SPOP: variants seen among roughly 807,000 people sequenced by gnomAD.
The protein encoded by SPOP is speckle type BTB/POZ protein.
In SPOP, 11 loss-of-function variants were observed where a neutral mutation model predicts 45.6. The ratio of observed to expected loss-of-function variants is 0.24; its 90% CI spans 0.15 to 0.40. The LOEUF (loss-of-function observed/expected upper bound fraction) is 0.40. Among genes scored for constraint, SPOP ranks in the 10% least tolerant of loss-of-function variants. SPOP has a pLI of 1.00. For synonymous variants in SPOP, 166 were observed against 166.3 expected (o/e 1.00, Z 0.01); for missense variants, 152 against 465.6 (o/e 0.33, Z 6.20).
intron 1 of SPOP, among the ~76,000 whole-genome samples, chr17:49,643,019 T>A (rs1218979432): frequency 6.6e-6 from 1 of 152,240 alleles, no homozygotes; most frequent in Admixed American, 6.5e-5. Context: ...TGAGATAAAA[T>A]ACACAGGCAT....
At chr17:49,629,360 A>G (rs2072405767) in intron 1 of SPOP, among the ~76,000 whole-genome samples, 1 of 152,198 alleles carries the variant, frequency 6.6e-6, no homozygotes, top group African/African-American at 2.4e-5. Flanking sequence ...AATGCTGAGT[A>G]TATCAGATTT....
intron 1 of SPOP, among the ~76,000 whole-genome samples, chr17:49,628,969 C>T (rs770722457): frequency 1.3e-5 from 2 of 152,162 alleles, no homozygotes; most frequent in Admixed American, 1.3e-4. Context: ...GAAGGCCAGG[C>T]GTGGTGGCTC....
At chr17:49,655,306 T>G (rs1336088861) in intron 1 of SPOP, among the ~76,000 whole-genome samples, 1 of 151,902 alleles carries the variant, frequency 6.6e-6, no homozygotes, top group Non-Finnish European at 1.5e-5. Flanking sequence ...GGTCAGGAGA[T>G]CGAGACCATC....
At chr17:49,656,978 G>A (rs888523879) in intron 1 of SPOP, among the ~76,000 whole-genome samples, 15 of 151,952 alleles carry the variant, frequency 9.9e-5, no homozygotes, top group East Asian at 1.9e-4. Context: ...TCAGGAGATC[G>A]AGACCATCCT....
chr17:49,601,589 G>A, intron 9 of SPOP: 1 of 320,280 alleles, frequency 3.1e-6, no homozygotes, highest in Non-Finnish European at 5.9e-6. Context: ...GTGAAGTAAA[G>A]ATACTATCAT....
intron 1 of SPOP, among the ~76,000 whole-genome samples, chr17:49,650,704 A>G (rs1022315468): frequency 2.6e-5 from 4 of 152,368 alleles, no homozygotes; most frequent in African/African-American, 7.2e-5. Flanking sequence ...CAGTGATAGT[A>G]AAAATTGACA....
At chr17:49,642,368 T>C (rs2072672488) in intron 1 of SPOP, among the ~76,000 whole-genome samples, 2 of 152,022 alleles carry the variant, frequency 1.3e-5, no homozygotes, top group South Asian at 2.1e-4. Flanking sequence ...GCCAACATGG[T>C]AAAAACCCAT....
intron 3 of SPOP, 128 bp downstream of exon 3, chr17:49,621,818 G>T: frequency 1.0e-6 from 1 of 994,726 alleles, no homozygotes; most frequent in Non-Finnish European, 1.5e-6. Flanking sequence ...TAGGCACTGG[G>T]AAATACAGTA....
chr17:49,619,204 TAA>T lies in SPOP; in HGVS notation c.352+28_352+29del. The T allele has an allele frequency of 1.9e-6, 3 of 1,613,946 alleles. No homozygotes were observed. The highest frequency in any genetic ancestry group is 2.5e-6 in the Non-Finnish European group (3 of 1,179,920). On this transcript the variant is annotated intron_variant, in intron 4 of 9. Coordinates refer to ENST00000504102, the MANE Select transcript of SPOP (RefSeq NM_001007228.2). This position sits in a 1 kb window ranked among gnomAD's most constrained non-coding sequence, Gnocchi z 4.9. ...GTATGAAACTTCTGGATGTGAAACT[TAA>T]GAGTTGAACAAAGAGGAGAACATTT... is the stretch of plus-strand genomic sequence containing the variant.
chr17:49,642,296 T>C (rs2072671593), intron 1 of SPOP, among the ~76,000 whole-genome samples: 2 of 151,926 alleles, frequency 1.3e-5, no homozygotes, highest in South Asian at 4.1e-4. Context: ...AAAAAGTTCT[T>C]CAGCACCTTG....
intron 1 of SPOP, among the ~76,000 whole-genome samples, chr17:49,668,775 CTTTT>C (rs371542684): frequency 2.2e-5 from 3 of 138,922 alleles, no homozygotes; most frequent in African/African-American, 8.1e-5. Context: ...ATATACATAT[CTTTT>C]TTTTTTTTTT....
chr17:49,657,762 G>A (rs1045812246), intron 1 of SPOP, among the ~76,000 whole-genome samples: 1 of 142,886 alleles, frequency 7.0e-6, no homozygotes, highest in African/African-American at 2.6e-5. Context: ...GTGCAGTGGC[G>A]TGATCGCGGC....
At chr17:49,645,288 C>T (rs2072734427) in intron 1 of SPOP, among the ~76,000 whole-genome samples, 1 of 151,820 alleles carries the variant, frequency 6.6e-6, no homozygotes, top group Non-Finnish European at 1.5e-5. Flanking sequence ...TAAGAAAGCA[C>T]ATCTTCTTTC....
At chr17:49,632,389 G>C (rs191476224) in intron 1 of SPOP, among the ~76,000 whole-genome samples, 1 of 152,126 alleles carries the variant, frequency 6.6e-6, no homozygotes, top group African/African-American at 2.4e-5. Flanking sequence ...ACAATAGTGA[G>C]AAAAGTACAT....
At chr17:49,660,927 C>T (rs1218052156) in intron 1 of SPOP, among the ~76,000 whole-genome samples, 1 of 152,184 alleles carries the variant, frequency 6.6e-6, no homozygotes, top group Non-Finnish European at 1.5e-5. Flanking sequence ...GATTGCGCCA[C>T]TGCACTCCAG....
chr17:49,602,091 A>T, intron 8 of SPOP, 84 bp from the exon 9 acceptor site: 1 of 1,502,120 alleles, frequency 6.7e-7, no homozygotes, highest in Non-Finnish European at 9.1e-7. Flanking sequence ...TAGCTGTACC[A>T]TCATATTAAC....
intron 1 of SPOP, among the ~76,000 whole-genome samples, chr17:49,624,331 G>GCGCGCGCA (rs71352523): frequency 1.4e-4 from 21 of 149,222 alleles, no homozygotes; most frequent in African/African-American, 5.2e-4. Context: ...GCGCGCGCGC[G>GCGCGCGCA]CACACACACA....
chr17:49,642,612 T>C (rs989929021), intron 1 of SPOP, among the ~76,000 whole-genome samples: 1 of 152,220 alleles, frequency 6.6e-6, no homozygotes, highest in African/African-American at 2.4e-5. Flanking sequence ...TAATGGTTTT[T>C]TACTTAGGAA....
chr17:49,622,180 G>C (rs2072233509), intron 2 of SPOP, 113 bp from the exon 3 acceptor site: 2 of 1,385,500 alleles, frequency 1.4e-6, no homozygotes, highest in East Asian at 5.1e-5. Flanking sequence ...CTGATAGGAA[G>C]ATAGCAGTTT....
Sources: gnomAD v4.1 joint callset for allele counts (sites outside exome capture counted in the v4.1 genomes callset) on GRCh38, gnomAD v4.1.1 for gene constraint, Gnocchi (gnomAD v3.1) non-coding constraint, MANE v1.5 for transcripts, NCBI Gene and HGNC (gene_info 2026-07-23, HGNC 2026-07-21) for gene names.